Variants in SORCS2 observed in about 807,000 individuals in gnomAD.
The protein encoded by SORCS2 is sortilin related VPS10 domain containing receptor 2, also known as VPS10 domain-containing receptor SorCS2.
In SORCS2, 100 loss-of-function variants were observed where a neutral mutation model predicts 141.6. The ratio of observed to expected loss-of-function variants is 0.71; its 90% confidence interval spans 0.60 to 0.83. SORCS2 has a LOEUF of 0.83. SORCS2 is among the 40% of genes least tolerant of loss of function. The pLI, the probability that SORCS2 is intolerant of heterozygous loss-of-function variation, is 0.00. For synonymous variants in SORCS2, 789 were observed against 676.9 expected (o/e 1.17, Z -2.57); for missense variants, 1,646 against 1,560.2 (o/e 1.05, Z -0.93).
Position 7,335,594 on chromosome 4 carries a change from G to A in SORCS2, c.481-60694G>A, listed in dbSNP as rs77545934. 5.0e-3 allele frequency among the ~76,000 whole-genome samples: 765 copies of A among 152,356 alleles called. 2 individuals are homozygous for A. The highest frequency in any genetic ancestry group is 0.017 in the African/African-American group (714 of 41,582). ...TTCAGGAGGCAGCTGCAGTCTTGCT[G>A]GAGGCGGGCTGGGGTGGTTTTCCAG... On this transcript the variant is annotated intron_variant, in intron 1 of 26. Coordinates refer to ENST00000507866, the MANE Select transcript of SORCS2 (RefSeq NM_020777.3).
intron 13 of SORCS2, among the ~76,000 whole-genome samples, chr4:7,703,836 A>G (rs1725242112): frequency 6.6e-6 from 1 of 152,188 alleles, no homozygotes; most frequent in African/African-American, 2.4e-5. Context: ...TCTGAAAAAG[A>G]GATTACTCAA....
chr4:7,227,031 C>T lies in SORCS2; in HGVS notation c.480+33905C>T, dbSNP rs377660671. ...AGCACCCCTCACATTTCATCCACAC[C>T]AGCACACCTGCTCTTATGCACCTGT... On this transcript the variant is annotated intron_variant, in intron 1 of 26. Coordinates refer to ENST00000507866, the MANE Select transcript of SORCS2 (RefSeq NM_020777.3). Among the ~76,000 whole-genome samples, 7 of 152,298 alleles carry T rather than the reference C, an allele frequency of 4.6e-5. No individual in the cohort carries two copies. In the East Asian group the frequency reaches 1.2e-3, roughly 25 times the overall value.
intron 1 of SORCS2, among the ~76,000 whole-genome samples, chr4:7,393,062 A>T (rs1723967698): frequency 6.6e-6 from 1 of 152,088 alleles, no homozygotes; most frequent in Non-Finnish European, 1.5e-5. Context: ...GGCCGGGAGG[A>T]CGGGAGGCAA....
chr4:7,257,685 T>C lies in SORCS2; in HGVS notation c.480+64559T>C, dbSNP rs183705813. Among the ~76,000 whole-genome samples, 4 of 151,962 alleles carry C rather than the reference T, an allele frequency of 2.6e-5. No individual in the cohort carries two copies. In the East Asian group the frequency reaches 5.8e-4, roughly 22 times the overall value. On this transcript the variant is annotated intron_variant, in intron 1 of 26. Coordinates refer to ENST00000507866, the MANE Select transcript of SORCS2 (RefSeq NM_020777.3). ...GTGGTGACAGGAAGAGAAGTGCACATGTGGGAAGCTCCCGAAAGGTGCCAT... is the reference window on the plus strand; with the variant it reads ...GTGGTGACAGGAAGAGAAGTGCACACGTGGGAAGCTCCCGAAAGGTGCCAT...
chr4:7,303,352 CAATG>C (rs1717568530), intron 1 of SORCS2, among the ~76,000 whole-genome samples: 1 of 152,154 alleles, frequency 6.6e-6, no homozygotes, highest in South Asian at 2.1e-4. Context: ...GTGACGATGA[CAATG>C]AATGTTTTTT....
chr4:7,212,442 A>G lies in SORCS2; in HGVS notation c.480+19316A>G, dbSNP rs561017156. On this transcript the variant is annotated intron_variant, in intron 1 of 26. Transcript: ENST00000507866. ...GCTGAAGTGAAAAATGGGAATTCCT[A>G]AGCTCACAGAACCAGAATGTCCAGG... Among the ~76,000 whole-genome samples, 23 of 152,332 alleles carry G rather than the reference A, an allele frequency of 1.5e-4. No individual in the cohort carries two copies. The South Asian group carries it at 4.8e-3, about 32-fold the overall frequency.
intron 3 of SORCS2, among the ~76,000 whole-genome samples, chr4:7,570,436 C>T (rs1008950185): frequency 6.6e-6 from 1 of 152,258 alleles, no homozygotes; most frequent in Non-Finnish European, 1.5e-5. Context: ...TGAGGGTTCG[C>T]TGGGTGCTCT....
chr4:7,308,532 T>C (rs1466971927), intron 1 of SORCS2, among the ~76,000 whole-genome samples: 1 of 152,148 alleles, frequency 6.6e-6, no homozygotes, highest in Non-Finnish European at 1.5e-5. Flanking sequence ...CAGACTGGCC[T>C]GTTACACTGA....
chr4:7,354,924 A>T (rs1721156860), intron 1 of SORCS2, among the ~76,000 whole-genome samples: 1 of 152,226 alleles, frequency 6.6e-6, no homozygotes, highest in African/African-American at 2.4e-5. Flanking sequence ...TATATTTCAT[A>T]GAATATTAGG....
intron 2 of SORCS2, among the ~76,000 whole-genome samples, chr4:7,501,541 C>T (rs191534239): frequency 2.8e-4 from 42 of 152,262 alleles, no homozygotes; most frequent in Non-Finnish European, 4.6e-4. Context: ...CTCCCTCAGC[C>T]TCCTGGCTTA....
chr4:7,324,920 A>G (rs980169307), intron 1 of SORCS2, among the ~76,000 whole-genome samples: 13 of 152,200 alleles, frequency 8.5e-5, no homozygotes, highest in African/African-American at 3.1e-4. Context: ...AGCCCACAGA[A>G]GCTGGCGGCA....
At chr4:7,393,135 G>A (rs1442217403) in intron 1 of SORCS2, among the ~76,000 whole-genome samples, 1 of 152,138 alleles carries the variant, frequency 6.6e-6, no homozygotes, top group Non-Finnish European at 1.5e-5. Context: ...AGTGGCAGCC[G>A]CGGCCGACCT....
intron 2 of SORCS2, among the ~76,000 whole-genome samples, chr4:7,470,664 T>C (rs939077009): frequency 6.6e-6 from 1 of 152,066 alleles, no homozygotes; most frequent in Non-Finnish European, 1.5e-5. Context: ...ATCTGGGCGA[T>C]GATTGGAGAG....
chr4:7,209,005 A>G (rs2108878978), intron 1 of SORCS2, among the ~76,000 whole-genome samples: 1 of 152,116 alleles, frequency 6.6e-6, no homozygotes, highest in East Asian at 1.9e-4. Flanking sequence ...CCCGGACCAC[A>G]CTTCTGCCCT....
intron 1 of SORCS2, among the ~76,000 whole-genome samples, chr4:7,229,897 T>C (rs1203483754): frequency 6.7e-6 from 1 of 150,114 alleles, no homozygotes; most frequent in Non-Finnish European, 1.5e-5. Flanking sequence ...TGCTCATGTA[T>C]GAAGGAGATG....
At chr4:7,666,540 C>G (rs1722515433) in intron 7 of SORCS2, among the ~76,000 whole-genome samples, 1 of 152,204 alleles carries the variant, frequency 6.6e-6, no homozygotes, top group East Asian at 1.9e-4. Context: ...CCCACCTCAC[C>G]ACCAACAAGG....
chr4:7,594,197 C>T (rs1717108791), intron 3 of SORCS2, among the ~76,000 whole-genome samples: 3 of 152,210 alleles, frequency 2.0e-5, no homozygotes, highest in Admixed American at 2.0e-4. Flanking sequence ...TCGGGAAGTG[C>T]TCTGGCCTCG....
At chr4:7,351,700 TCCATCCATC>T (rs999300987) in intron 1 of SORCS2, among the ~76,000 whole-genome samples, 22 of 136,074 alleles carry the variant, frequency 1.6e-4, no homozygotes, top group African/African-American at 5.3e-4. Context: ...CATCCATCCA[TCCATCCATC>T]CTTCTACCCA....
intron 2 of SORCS2, among the ~76,000 whole-genome samples, chr4:7,436,085 C>T (rs955588163): frequency 8.5e-5 from 13 of 152,306 alleles, no homozygotes; most frequent in South Asian, 2.1e-4. Flanking sequence ...GAAGAGAAGA[C>T]GGAAAATAGG....
Sources: allele counts gnomAD v4.1 joint callset (sites outside exome capture counted in the v4.1 genomes callset), GRCh38; gene constraint gnomAD v4.1.1; transcripts MANE v1.5; gene names NCBI Gene and HGNC (gene_info 2026-07-23, HGNC 2026-07-21).